ELN: variants seen among roughly 807,000 people sequenced by gnomAD.
The protein encoded by ELN is tropoelastin.
Under a neutral mutation model 105.8 loss-of-function variants are expected in ELN, and 65 were observed. That is an observed-to-expected ratio of 0.61 (90% confidence interval 0.50 to 0.75). ELN has a LOEUF of 0.75. ELN is among the 30% of genes least tolerant of loss of function. ELN has a pLI of 0.00. For synonymous variants in ELN, 368 were observed against 389.2 expected (o/e 0.95, Z 0.64); for missense variants, 882 against 969.4 (o/e 0.91, Z 1.20).
chr7:74,042,933 C>T (rs1158470019), intron 6 of ELN, 51 bp from the exon 7 acceptor site: 3 of 1,614,008 alleles, frequency 1.9e-6, no homozygotes, highest in Admixed American at 3.3e-5. Context: ...CCGGGCCCTT[C>T]TGCCTCCCCA....
intron 3 of ELN, among the ~76,000 whole-genome samples, chr7:74,037,109 C>T (rs916459608): frequency 1.3e-5 from 2 of 151,944 alleles, no homozygotes; most frequent in Non-Finnish European, 2.9e-5. Flanking sequence ...GCGTGAGCCA[C>T]CTTGCCCGGC....
intron 30 of ELN, 66 bp downstream of exon 30, chr7:74,065,798 C>A (rs529972227): frequency 1.2e-6 from 2 of 1,611,206 alleles, no homozygotes; most frequent in Non-Finnish European, 1.7e-6. Context: ...TCGCCACCCT[C>A]CCCCAGCCCA....
chr7:74,043,297 A>G (rs1392541391), intron 8 of ELN, 129 bp downstream of exon 8: 2 of 1,375,598 alleles, frequency 1.5e-6, no homozygotes, highest in East Asian at 2.5e-5. Context: ...TCGGGCAGAG[A>G]AACTAGCCAG....
intron 1 of ELN, among the ~76,000 whole-genome samples, chr7:74,032,425 T>TG (rs11370781): frequency 1 from 152,296 of 152,296 alleles, 76,148 homozygotes; most frequent in Non-Finnish European, 1. Context: ...GAAGTGAGGA[T>TG]CGCCACGGGG....
intron 4 of ELN, among the ~76,000 whole-genome samples, chr7:74,040,429 C>T (rs1694744474): frequency 6.6e-6 from 1 of 152,132 alleles, no homozygotes; most frequent in South Asian, 2.1e-4. Flanking sequence ...AAATGAGGGA[C>T]GAGGAGTGGT....
intron 18 of ELN, among the ~76,000 whole-genome samples, chr7:74,053,700 GTGGATGGA>G (rs1313087257): frequency 6.6e-6 from 1 of 150,496 alleles, no homozygotes; most frequent in African/African-American, 2.5e-5. Flanking sequence ...AGATGGGTGG[GTGGATGGA>G]TGGATGGGTG....
chr7:74,042,788 T>G, intron 6 of ELN, 82 bp downstream of exon 6: 1 of 1,569,044 alleles, frequency 6.4e-7, no homozygotes, highest in East Asian at 2.3e-5. Context: ...TTCCCTCAAC[T>G]CAGGCTTGGG....
Position 74,042,964 on chromosome 7 carries a change from C to T in ELN, c.326-20C>T, listed in dbSNP as rs200397639. On this transcript the variant is annotated intron_variant, in intron 6 of 32. Coordinates refer to ENST00000252034, the MANE Select transcript of ELN (RefSeq NM_000501.4). ...CCCCACTGTTCCTTACGCAATGCCT[C>T]ACCTGTCCTGGCTCTGCAGGCGCTG... The T allele has an allele frequency of 1.8e-4, 288 of 1,614,186 alleles. No homozygotes were observed. The African/African-American group carries it at 2.2e-3, about 12-fold the overall frequency.
chr7:74,041,053 G>A (rs1563777089), intron 4 of ELN, among the ~76,000 whole-genome samples, 163 bp from the exon 5 acceptor site: 1 of 152,120 alleles, frequency 6.6e-6, no homozygotes, highest in Non-Finnish European at 1.5e-5. Context: ...CTAAACTACT[G>A]GTGGATGCTA....
chr7:74,053,444 C>T, intron 18 of ELN, 135 bp downstream of exon 18: 1 of 1,494,978 alleles, frequency 6.7e-7, no homozygotes, highest in East Asian at 2.5e-5. Context: ...TTGACCACGT[C>T]TCATCCCCTC....
At chr7:74,037,804 A>G in intron 4 of ELN, 65 bp downstream of exon 4, 1 of 1,586,358 alleles carries the variant, frequency 6.3e-7, no homozygotes, top group South Asian at 1.1e-5. Flanking sequence ...GAGCCTACCC[A>G]GCTGGGAATG....
At chr7:74,031,860 A>AGAAGGAAG (rs60029188) in intron 1 of ELN, among the ~76,000 whole-genome samples, 25,624 of 106,992 alleles carry the variant, frequency 0.24, 3,689 homozygotes, top group East Asian at 0.3. Context: ...AAGGAAGGAA[A>AGAAGGAAG]GAAGGAAGGA....
intron 1 of ELN, among the ~76,000 whole-genome samples, chr7:74,029,406 G>A (rs1041193975): frequency 4.6e-5 from 7 of 152,148 alleles, no homozygotes; most frequent in Admixed American, 1.3e-4. Flanking sequence ...CTGCTATGCC[G>A]CGGCCAACGG....
intron 22 of ELN, chr7:74,059,452 C>T (rs1796093136): frequency 7.6e-6 from 2 of 264,156 alleles, no homozygotes; most frequent in South Asian, 4.7e-5. Flanking sequence ...GAGGCCAAGT[C>T]GGGTGGATCA....
Position 74,035,364 on chromosome 7 carries a change from G to C in ELN, c.83G>C (p.Gly28Ala). ...ACTGACTCTACCTGTTTCCTTTCAG[G>C]GGTCCCTGGGGCCATTCCTGGTGGA... ...LSILHPSRPG[G>A]VPGAIPGGVP... Residue 28 changes from glycine (G) to alanine (A), a missense_variant and splice_region_variant, in exon 2 of 33, where the codon GGG becomes GCG. By Grantham distance (60) the Gly-to-Ala change is moderately conservative (BLOSUM62 0). Transcript: ENST00000252034. 1 of 1,613,990 alleles carries C rather than the reference G, an allele frequency of 6.2e-7. No homozygotes were observed. The highest frequency in any genetic ancestry group is 8.5e-7 in the Non-Finnish European group (1 of 1,179,990).
At chr7:74,058,512 C>G (rs1390735974) in intron 22 of ELN, among the ~76,000 whole-genome samples, 1 of 151,922 alleles carries the variant, frequency 6.6e-6, no homozygotes, top group African/African-American at 2.4e-5. Flanking sequence ...CACCACCATG[C>G]CTGGCTAATT....
At chr7:74,053,549 G>A (rs993494134) in intron 18 of ELN, among the ~76,000 whole-genome samples, 1 of 152,050 alleles carries the variant, frequency 6.6e-6, no homozygotes, top group Non-Finnish European at 1.5e-5. Flanking sequence ...GTTCTCTGGG[G>A]GGCAGGAACC....
intron 22 of ELN, chr7:74,059,591 GGA>G: frequency 1.9e-6 from 1 of 526,356 alleles, no homozygotes; most frequent in Non-Finnish European, 3.4e-6. Flanking sequence ...GGCTGAGGCA[GGA>G]GACTCACTTG....
intron 4 of ELN, chr7:74,038,069 G>A: frequency 2.6e-6 from 1 of 389,024 alleles, no homozygotes; most frequent in Non-Finnish European, 4.9e-6. Flanking sequence ...GCAACATCAG[G>A]GATTGCTCCG....
Sources: allele counts gnomAD v4.1 joint callset (sites outside exome capture counted in the v4.1 genomes callset), GRCh38; gene constraint gnomAD v4.1.1; transcripts MANE v1.5; gene names NCBI Gene and HGNC (gene_info 2026-07-23, HGNC 2026-07-21).